Variants in MAPKBP1 observed in about 807,000 individuals in gnomAD.
MAPKBP1 encodes mitogen-activated protein kinase-binding protein 1.
Under a neutral mutation model 170.5 loss-of-function variants are expected in MAPKBP1, and 71 were observed. That is an observed-to-expected ratio of 0.42 (90% CI 0.34 to 0.51). The LOEUF is 0.51. Ranked by LOEUF, MAPKBP1 falls within the 20% of genes least tolerant of loss-of-function variation. MAPKBP1 has a pLI of 0.06. For synonymous variants in MAPKBP1, 719 were observed against 757.9 expected (o/e 0.95, Z 0.84); for missense variants, 1,598 against 1,933.0 (o/e 0.83, Z 3.25).
At chr15:41,780,928 G>T (rs1445295660) in intron 2 of MAPKBP1, among the ~76,000 whole-genome samples, 1 of 151,936 alleles carries the variant, frequency 6.6e-6, no homozygotes, top group African/African-American at 2.4e-5. Context: ...CTTCTTCATT[G>T]GTCACATTAT....
At chr15:41,799,473 G>A (rs1029786445) in intron 2 of MAPKBP1, among the ~76,000 whole-genome samples, 9 of 152,170 alleles carry the variant, frequency 5.9e-5, no homozygotes, top group African/African-American at 2.2e-4. Flanking sequence ...AGACCCAAGA[G>A]TCTAGTCTGG....
intron 21 of MAPKBP1, 48 bp from the exon 22 acceptor site, chr15:41,819,547 C>CGGGGGGG (rs3034893): frequency 1.8e-4 from 219 of 1,234,750 alleles, no homozygotes; most frequent in Middle Eastern, 2.3e-4. Context: ...GGTTGGGTGG[C>CGGGGGGG]GGGGGGGGGG....
At chr15:41,807,826 T>C (rs1414612500) in intron 3 of MAPKBP1, among the ~76,000 whole-genome samples, 1 of 152,054 alleles carries the variant, frequency 6.6e-6, no homozygotes, top group African/African-American at 2.4e-5. Context: ...TCACCTGAGG[T>C]CAGGAGTTTG....
In MAPKBP1 at chr15:41,822,935, G is replaced by C; in HGVS notation, c.3315-4G>C. On this transcript the variant is annotated splice_region_variant and splice_polypyrimidine_tract_variant and intron_variant, in intron 27 of 30. Coordinates refer to ENST00000457542, the MANE Select transcript of MAPKBP1 (RefSeq NM_014994.3). ...GGGCCTTCTCCCACATGTTCTCCCT[G>C]TAGGGAACCATCCCCATCCTCCTCA... The C allele has an allele frequency of 6.2e-7, 1 of 1,600,652 alleles. No homozygotes were observed.
At chr15:41,819,415 T>G in intron 21 of MAPKBP1, 36 bp downstream of exon 21, 5 of 1,611,392 alleles carry the variant, frequency 3.1e-6, no homozygotes, top group African/African-American at 1.3e-5. Context: ...AGACAGGCCC[T>G]AGTTGGTATA....
intron 3 of MAPKBP1, among the ~76,000 whole-genome samples, chr15:41,808,105 C>CT (rs544983500): frequency 0.13 from 14,502 of 109,404 alleles, 1,565 homozygotes; most frequent in East Asian, 0.58. Context: ...TTCTTTCTTT[C>CT]TTTTTTTTTT....
intron 3 of MAPKBP1, among the ~76,000 whole-genome samples, chr15:41,806,297 A>G (rs952671698): frequency 2.6e-5 from 4 of 152,208 alleles, no homozygotes; most frequent in Admixed American, 6.5e-5. Context: ...GGAGGGCGAC[A>G]TTTGAGCGAG....
chr15:41,817,608 CT>C lies in MAPKBP1; in HGVS notation c.1783-5del. The C allele has an allele frequency of 1.2e-6, 2 of 1,614,206 alleles. No homozygotes were observed. Among genetic ancestry groups the C allele is most frequent in the East Asian group, 4.5e-5 (2 of 44,888 alleles). On this transcript the variant is annotated splice_polypyrimidine_tract_variant and splice_region_variant and intron_variant, in intron 15 of 30. Coordinates refer to ENST00000457542, the MANE Select transcript of MAPKBP1 (RefSeq NM_014994.3). The surrounding 1 kb of genome is among the most constrained non-coding windows in gnomAD (Gnocchi z 4.2). Reference sequence around the variant, plus strand: ...GTGGGCCTGCCCACATGCTCCACCCCTGCAGTCTGGAGATGGAGTGCAGTTC... The same window carrying C: ...GTGGGCCTGCCCACATGCTCCACCCCGCAGTCTGGAGATGGAGTGCAGTTC...
In MAPKBP1 at chr15:41,825,571, C is replaced by T. The variant is rs951063911; in HGVS notation, c.*135C>T. 2.9e-6 allele frequency: 2 copies of T among 696,808 alleles called. No homozygotes were observed. The highest frequency in any genetic ancestry group is 3.0e-5 in the East Asian group (1 of 33,526). The allele number at this position is 696,808 out of a possible 1,614,324, so 43.2% of individuals were successfully genotyped here. A position where few individuals can be genotyped will look rare whatever the true frequency, so the allele number is the denominator to read the frequency against. ...GTGTTCAGAGGCAAAGCAGCCTTCC[C>T]AGCCGCTCCTCGTGGGGGGCCTGTA... On this transcript the variant is annotated 3_prime_UTR_variant, in exon 31 of 31. Transcript: ENST00000457542.
In MAPKBP1 at chr15:41,817,938, G is replaced by A; in HGVS notation, c.1905-71G>A. 1 of 1,549,140 alleles carries A rather than the reference G, an allele frequency of 6.5e-7. No individual in the cohort carries two copies. Among genetic ancestry groups the A allele is most frequent in the Non-Finnish European group, 8.9e-7 (1 of 1,121,816 alleles). The stretch of plus-strand genomic sequence containing the variant: ...AGAGTGTAGACTGGGAGTGAAAGCT[G>A]GCATTTCCATCCCCCAGGCGTGTTC... On this transcript the variant is annotated intron_variant, in intron 16 of 30. Transcript: ENST00000457542. The surrounding 1 kb of genome is among the most constrained non-coding windows in gnomAD (Gnocchi z 4.2).
intron 3 of MAPKBP1, among the ~76,000 whole-genome samples, chr15:41,801,869 C>T (rs2152074742): frequency 6.6e-6 from 1 of 152,002 alleles, no homozygotes; most frequent in South Asian, 2.1e-4. Context: ...CAAGCCACCA[C>T]CAAAAAAAGC....
In MAPKBP1 at chr15:41,819,664, G is replaced by T; in HGVS notation, c.2481+14G>T. On this transcript the variant is annotated intron_variant, in intron 22 of 30. Coordinates refer to ENST00000457542, the MANE Select transcript of MAPKBP1 (RefSeq NM_014994.3). Reference sequence around the variant, plus strand: ...GAGATGAGTCGGGTGAGTCGCCATTGTTAAAATGTTCTTCCAAGGTTAGAG... The same window carrying T: ...GAGATGAGTCGGGTGAGTCGCCATTTTTAAAATGTTCTTCCAAGGTTAGAG... The T allele has an allele frequency of 6.2e-7, 1 of 1,605,406 alleles. No homozygotes were observed. The highest frequency in any genetic ancestry group is 1.3e-5 in the African/African-American group (1 of 74,914).
chr15:41,816,818 A>G (rs112373223), intron 13 of MAPKBP1, 92 bp from the exon 14 acceptor site: 15 of 1,532,636 alleles, frequency 9.8e-6, no homozygotes, highest in Non-Finnish European at 1.3e-5. Context: ...TGGCTTGGGG[A>G]TATGGGGCTC....
At chr15:41,790,895 C>G (rs2064384825) in intron 2 of MAPKBP1, among the ~76,000 whole-genome samples, 1 of 152,192 alleles carries the variant, frequency 6.6e-6, no homozygotes, top group Non-Finnish European at 1.5e-5. Context: ...GTCACTGGGT[C>G]CCTGCCCTAC....
chr15:41,781,058 T>A (rs2064177855), intron 2 of MAPKBP1, among the ~76,000 whole-genome samples: 1 of 96,370 alleles, frequency 1.0e-5, no homozygotes, highest in Non-Finnish European at 2.3e-5. Context: ...TGCAATGCTT[T>A]TTTTTTGCTT....
chr15:41,820,147 T>G (rs1259541687), intron 22 of MAPKBP1, among the ~76,000 whole-genome samples: 1 of 152,196 alleles, frequency 6.6e-6, no homozygotes, highest in East Asian at 1.9e-4. Flanking sequence ...ACTCAGCGAC[T>G]GCCCTGGGGT....
intron 2 of MAPKBP1, among the ~76,000 whole-genome samples, chr15:41,797,938 G>A (rs1453958011): frequency 6.6e-6 from 1 of 152,022 alleles, no homozygotes; most frequent in Non-Finnish European, 1.5e-5. Flanking sequence ...AAGCTAAAAC[G>A]ATCTTCAGAG....
At position 41,819,529 on chromosome 15, in the gene MAPKBP1, G is replaced by C. The variant is rs751731539; in HGVS notation, c.2426-66G>C. 3 of 1,516,142 alleles carry C rather than the reference G, an allele frequency of 2.0e-6. No homozygotes were observed. In the South Asian group the frequency reaches 3.4e-5, roughly 17 times the overall value. The allele number at this position is 1,516,142 out of a possible 1,614,324, so 93.9% of individuals were successfully genotyped here. A position where few individuals can be genotyped will look rare whatever the true frequency, so the allele number is the denominator to read the frequency against. ...ACAGGGTATGGGCTGATGGGGCCAG[G>C]GCTCCAGGGTTGGGTGGCGGGGGGG... On this transcript the variant is annotated intron_variant, in intron 21 of 30. Coordinates refer to ENST00000457542, the MANE Select transcript of MAPKBP1 (RefSeq NM_014994.3).
chr15:41,812,112 C>T lies in MAPKBP1; in HGVS notation c.483C>T (p.Asn161=), dbSNP rs747056367. The T allele has an allele frequency of 9.3e-6, 15 of 1,613,932 alleles. No homozygotes were observed. The highest frequency in any genetic ancestry group is 4.0e-5 in the African/African-American group (3 of 74,872). The change falls in exon 6 of 31, where the codon AAC becomes AAT. Residue 161 remains asparagine (N), a synonymous_variant. Transcript: ENST00000457542. ...SVGYQHDMIV[N]VWAWKKNIVV... The stretch of plus-strand genomic sequence containing the variant: ...GCTACCAGCATGACATGATCGTCAA[C>T]GTGTGGGCCTGGAAGGTGAGTGGCT...
Sources: allele counts gnomAD v4.1 joint callset (sites outside exome capture counted in the v4.1 genomes callset), GRCh38; gene constraint gnomAD v4.1.1; non-coding constraint Gnocchi (gnomAD v3.1); transcripts MANE v1.5; gene names NCBI Gene and HGNC (gene_info 2026-07-23, HGNC 2026-07-21).